Variants in VEGFA observed in about 807,000 individuals in gnomAD.
VEGFA encodes vascular endothelial growth factor A, long form.
Under a neutral mutation model 49.7 loss-of-function variants are expected in VEGFA, and 20 were observed. That is an observed-to-expected ratio of 0.40 (90% CI 0.28 to 0.58). The LOEUF is 0.58. Among genes scored for constraint, VEGFA ranks in the 20% least tolerant of loss-of-function variants. The pLI, the probability that VEGFA is intolerant of heterozygous loss-of-function variation, is 0.40. For synonymous variants in VEGFA, 219 were observed against 223.4 expected (o/e 0.98, Z 0.18); for missense variants, 505 against 553.5 (o/e 0.91, Z 0.88).
chr6:43,781,713 T>A, intron 6 of VEGFA: 1 of 494,482 alleles, frequency 2.0e-6, no homozygotes, highest in Non-Finnish European at 3.7e-6. Context: ...TGGCAGCCTC[T>A]CCCTGCACTC....
intron 1 of VEGFA, among the ~76,000 whole-genome samples, chr6:43,772,817 C>G (rs918983120): frequency 1.3e-5 from 2 of 152,204 alleles, no homozygotes; most frequent in Admixed American, 6.5e-5. Context: ...GCACAAAGGC[C>G]TTGGCTACAG....
At position 43,777,340 on chromosome 6, in the gene VEGFA, C is replaced by A; in HGVS notation, c.659-129C>A. 1.0e-6 allele frequency: 1 copy of A among 981,294 alleles called. No individual in the cohort carries two copies. The highest frequency in any genetic ancestry group is 1.6e-6 in the Non-Finnish European group (1 of 636,168). The allele number at this position is 981,294 out of a possible 1,614,324, so 60.8% of individuals were successfully genotyped here. A position where few individuals can be genotyped will look rare whatever the true frequency, so the allele number is the denominator to read the frequency against. The stretch of plus-strand genomic sequence containing the variant: ...CTTCAAACACAGTAGGAGGGACTTA[C>A]GTTAGATTTTGGAAGGACTTGCCTG... On this transcript the variant is annotated intron_variant, in intron 2 of 7. Coordinates refer to ENST00000672860, the MANE Select transcript of VEGFA (RefSeq NM_003376.6). The surrounding 1 kb of genome is among the most constrained non-coding windows in gnomAD (Gnocchi z 4.3).
chr6:43,781,838 C>A, intron 6 of VEGFA, 118 bp from the exon 7 acceptor site: 1 of 1,390,132 alleles, frequency 7.2e-7, no homozygotes, highest in Non-Finnish European at 9.9e-7. Context: ...GGCCTGGGGG[C>A]TGACCGGCTG....
chr6:43,771,461 T>A, intron 1 of VEGFA, 149 bp downstream of exon 1: 7 of 788,696 alleles, frequency 8.9e-6, no homozygotes, highest in East Asian at 3.4e-5. Flanking sequence ...TCGTCTTAGG[T>A]GCAGGGGGAG....
chr6:43,781,787 C>A (rs185700520), intron 6 of VEGFA, 169 bp from the exon 7 acceptor site: 28 of 850,338 alleles, frequency 3.3e-5, no homozygotes, highest in Non-Finnish European at 4.6e-5. Flanking sequence ...CTCTTTCCGC[C>A]GCTCTCTCTG....
intron 5 of VEGFA, chr6:43,779,828 G>A (rs13197118): frequency 2.6e-5 from 11 of 423,506 alleles, no homozygotes; most frequent in Non-Finnish European, 5.3e-5. Context: ...CCTGAGGTGT[G>A]TTCTCTTGGG....
chr6:43,780,564 C>T (rs1054186897), intron 5 of VEGFA, 168 bp from the exon 6 acceptor site: 81 of 879,124 alleles, frequency 9.2e-5, no homozygotes, highest in Admixed American at 6.5e-4. Context: ...CGCCTGTGTG[C>T]GCCCGCGCAT....
At chr6:43,771,977 A>G in intron 1 of VEGFA, 2 of 983,404 alleles carry the variant, frequency 2.0e-6, no homozygotes, top group Non-Finnish European at 1.2e-6. Context: ...CGCGGAGCCG[A>G]TTACATCAGC....
chr6:43,778,048 T>C (rs1184507465), intron 3 of VEGFA: 23 of 429,866 alleles, frequency 5.4e-5, no homozygotes, highest in Non-Finnish European at 8.2e-5. Context: ...TGGTGTTACC[T>C]GGTAATGGGG....
chr6:43,781,957 C>T lies in VEGFA; in HGVS notation c.1036C>T (p.Pro346Ser). The change falls in exon 7 of 8, where the codon CCC becomes TCC. Residue 346 changes from proline to serine, a missense_variant and splice_region_variant. Coordinates refer to ENST00000672860, the MANE Select transcript of VEGFA (RefSeq NM_003376.6). ...GTCTTTCCTTTTGCCTTTTTGCAGT[C>T]CCTGTGGGCCTTGCTCAGAGCGGAG... 1 of 1,613,906 alleles carries T rather than the reference C, an allele frequency of 6.2e-7. No homozygotes were observed. The highest frequency in any genetic ancestry group is 8.5e-7 in the Non-Finnish European group (1 of 1,179,950).
rs1404013760 is a variant in VEGFA, at chr6:43,771,137, G to C, written c.431G>C (p.Gly144Ala). The C allele has an allele frequency of 6.6e-7, 1 of 1,513,604 alleles. No homozygotes were observed. Among genetic ancestry groups the C allele is most frequent in the South Asian group, 1.3e-5 (1 of 79,980 alleles). The allele number at this position is 1,513,604 out of a possible 1,614,324, so 93.8% of individuals were successfully genotyped here. A position where few individuals can be genotyped will look rare whatever the true frequency, so the allele number is the denominator to read the frequency against. ...CCCCAGGCCCTGGCCCGGGCCTCGG[G>C]CCGGGGAGGAAGAGTAGCTCGCCGA... The change falls in exon 1 of 8, where the codon GGC (glycine) becomes GCC (alanine). Residue 144 changes from glycine (G) to alanine (A), a missense_variant. Around this residue, in one of 2 missense-constraint regions of VEGFA, gnomAD observed 340 missense variants for 321.8 expected, o/e 1.06. Transcript: ENST00000672860.
rs1767971958 is a variant in VEGFA, at chr6:43,782,044, C to T, written c.1123C>T (p.Arg375Cys). ...ATGTTCCTGCAAAAACACAGACTCGCGTTGCAAGGCGAGGCAGCTTGAGTT... is the reference window on the plus strand; with the variant it reads ...ATGTTCCTGCAAAAACACAGACTCGTGTTGCAAGGCGAGGCAGCTTGAGTT... The change falls in exon 7 of 8, where the codon CGT (arginine) becomes TGT (cysteine). Residue 375 changes from arginine to cysteine, a missense_variant. This residue lies in a region of VEGFA where 165 missense variants were observed against 231.7 expected (regional missense o/e 0.71). Coordinates refer to ENST00000672860, the MANE Select transcript of VEGFA (RefSeq NM_003376.6). 12 of 1,614,054 alleles carry T rather than the reference C, an allele frequency of 7.4e-6. No individual in the cohort carries two copies. The highest frequency in any genetic ancestry group is 1.1e-5 in the South Asian group (1 of 91,076).
chr6:43,772,685 C>G (rs1022043481), intron 1 of VEGFA, among the ~76,000 whole-genome samples: 2 of 152,192 alleles, frequency 1.3e-5, no homozygotes, highest in Admixed American at 1.3e-4. Context: ...GAAAGGGACT[C>G]TAAAGGGTCC....
At chr6:43,779,104 G>A (rs1016008837) in intron 5 of VEGFA, 186 bp downstream of exon 5, 14 of 720,502 alleles carry the variant, frequency 1.9e-5, no homozygotes, top group African/African-American at 1.4e-4. Flanking sequence ...TAGGGCTAGT[G>A]AGAAAACATA....
chr6:43,771,047 G>C lies in VEGFA; in HGVS notation c.341G>C (p.Arg114Pro), dbSNP rs946601059. 2.6e-5 allele frequency: 40 copies of C among 1,521,312 alleles called. No homozygotes were observed. Among genetic ancestry groups the C allele is most frequent in the Non-Finnish European group, 3.3e-5 (38 of 1,134,368 alleles). 94.2% of individuals were successfully genotyped at this position (1,521,312 alleles called of 1,614,324 possible). A position where few individuals can be genotyped will look rare whatever the true frequency, so the allele number is the denominator to read the frequency against. ...GGGCCGCAGTGGCGACTCGGCGCTC[G>C]GAAGCCGGGCTCATGGACGGGTGAG... is the stretch of plus-strand genomic sequence containing the variant. The change falls in exon 1 of 8, where the codon CGG becomes CCG. Residue 114 changes from arginine (R) to proline (P), a missense_variant. This residue lies in a region of VEGFA where 340 missense variants were observed against 321.8 expected (regional missense o/e 1.06). Coordinates refer to ENST00000672860, the MANE Select transcript of VEGFA (RefSeq NM_003376.6).
In VEGFA at chr6:43,771,199, C is replaced by G. The variant is rs1236943525; in HGVS notation, c.493C>G (p.Arg165Gly). 8.8e-6 allele frequency: 14 copies of G among 1,599,400 alleles called. No homozygotes were observed. The highest frequency in any genetic ancestry group is 4.1e-5 in the African/African-American group (3 of 73,032). ...GAGCGGGCCGCCCCACAGCCCGAGCCGGAGAGGGAGCGCGAGCCGCGCCGG... is the reference window on the plus strand; with the variant it reads ...GAGCGGGCCGCCCCACAGCCCGAGCGGGAGAGGGAGCGCGAGCCGCGCCGG... The change falls in exon 1 of 8, where the codon CGG (arginine) becomes GGG (glycine). Residue 165 changes from arginine (R) to glycine (G), a missense_variant. Transcript: ENST00000672860.
At chr6:43,781,846 C>A in intron 6 of VEGFA, 110 bp from the exon 7 acceptor site, 1 of 1,447,268 alleles carries the variant, frequency 6.9e-7, no homozygotes, top group Non-Finnish European at 9.5e-7. Flanking sequence ...GGCTGACCGG[C>A]TGGGTGGGGG....
Position 43,770,697 on chromosome 6 carries a change from A to C in VEGFA, c.-10A>C. On this transcript the variant is annotated 5_prime_UTR_variant, in exon 1 of 8. Transcript: ENST00000672860. ...CCTCCCCCTTGGGATCCCGCAGCTG[A>C]CCAGTCGCGCTGACGGACAGACAGA... The C allele has an allele frequency of 6.5e-7, 1 of 1,547,626 alleles. No homozygotes were observed. Among genetic ancestry groups the C allele is most frequent in the Non-Finnish European group, 8.6e-7 (1 of 1,159,190 alleles).
In VEGFA at chr6:43,777,392, A is replaced by G. The variant is rs1765778735; in HGVS notation, c.659-77A>G. The G allele has an allele frequency of 3.9e-6, 6 of 1,537,950 alleles. No individual in the cohort carries two copies. The highest frequency in any genetic ancestry group is 5.4e-6 in the Non-Finnish European group (6 of 1,117,330). ...TTCGGAAGCTCCAAAGAGTGGCATT[A>G]CAGAGCTGGGTGGAGAGAGGGGCTA... On this transcript the variant is annotated intron_variant, in intron 2 of 7. Transcript: ENST00000672860. This position sits in a 1 kb window ranked among gnomAD's most constrained non-coding sequence, Gnocchi z 4.3.
Sources: gnomAD v4.1 joint callset for allele counts (sites outside exome capture counted in the v4.1 genomes callset) on GRCh38, gnomAD v4.1.1 for gene constraint, gnomAD v4.1.1 regional missense constraint, Gnocchi (gnomAD v3.1) non-coding constraint, MANE v1.5 for transcripts, NCBI Gene and HGNC (gene_info 2026-07-23, HGNC 2026-07-21) for gene names.